Variants in NRXN1 observed in about 807,000 individuals in gnomAD.
The protein encoded by NRXN1 is neurexin 1, also known as neurexin-1.
NRXN1 carries 39 observed loss-of-function variants against 150.9 expected under a neutral mutation model. The observed-to-expected ratio is 0.26, with a 90% CI of 0.20 to 0.34. The LOEUF (loss-of-function observed/expected upper bound fraction) is 0.34, where lower values mean the gene tolerates loss of function less well. NRXN1 is among the 10% of genes least tolerant of loss of function. The pLI is 1.00. For missense variants in NRXN1, 1,815 were observed against 1,949.9 expected (o/e 0.93, Z 1.30); for synonymous variants, 924 against 757.0 (o/e 1.22, Z -3.62).
At chr2:50,696,140 G>T (rs1159046032) in intron 5 of NRXN1, 2 of 151,672 alleles carry the variant, frequency 1.3e-5, no homozygotes, top group African/African-American at 4.9e-5. Context: ...ACCACACCCA[G>T]TCGACTATGG....
chr2:50,671,883 C>T (rs533554396), intron 5 of NRXN1, among the ~76,000 whole-genome samples: 2 of 151,880 alleles, frequency 1.3e-5, no homozygotes, highest in South Asian at 2.1e-4. Flanking sequence ...TAGGGACAAA[C>T]CCAAAAAGAA....
chr2:50,331,704 T>A (rs1378793961), intron 17 of NRXN1, among the ~76,000 whole-genome samples: 1 of 152,184 alleles, frequency 6.6e-6, no homozygotes, highest in South Asian at 2.1e-4. Context: ...AACACCATTC[T>A]CCTTGTGTTC....
At chr2:50,275,775 A>C (rs1191890070) in intron 17 of NRXN1, among the ~76,000 whole-genome samples, 2 of 152,072 alleles carry the variant, frequency 1.3e-5, no homozygotes, top group East Asian at 3.9e-4. Context: ...AGCTCCTTCA[A>C]ATTTAAAAGA....
intron 4 of NRXN1, chr2:50,922,436 A>G: frequency 1.6e-6 from 1 of 618,568 alleles, no homozygotes; most frequent in Non-Finnish European, 2.9e-6. Context: ...AAATATTATA[A>G]TGCAAGAAAT....
chr2:50,680,596 T>C (rs1351146695), intron 5 of NRXN1, among the ~76,000 whole-genome samples: 5 of 152,056 alleles, frequency 3.3e-5, no homozygotes, highest in Admixed American at 2.0e-4. Flanking sequence ...AGATGACAAA[T>C]TTTTTAGATT....
intron 17 of NRXN1, among the ~76,000 whole-genome samples, chr2:50,439,309 A>G (rs751430116): frequency 6.6e-6 from 1 of 152,250 alleles, no homozygotes; most frequent in Non-Finnish European, 1.5e-5. Context: ...ACAACAGTGC[A>G]CTAAGTTTTA....
intron 18 of NRXN1, among the ~76,000 whole-genome samples, chr2:50,167,988 T>C (rs1343089258): frequency 1.3e-5 from 2 of 152,196 alleles, no homozygotes; most frequent in Non-Finnish European, 2.9e-5. Flanking sequence ...AATAAAAATG[T>C]TACAGAACAA....
At chr2:50,089,607 C>T (rs954210410) in intron 19 of NRXN1, among the ~76,000 whole-genome samples, 4 of 151,808 alleles carry the variant, frequency 2.6e-5, no homozygotes, top group African/African-American at 4.8e-5. Context: ...AGCAACATAG[C>T]GAGACCCCCA....
intron 17 of NRXN1, among the ~76,000 whole-genome samples, chr2:50,429,618 A>G (rs2084786110): frequency 6.6e-6 from 1 of 152,220 alleles, no homozygotes; most frequent in Non-Finnish European, 1.5e-5. Context: ...AAATAGATCA[A>G]GAGTAACTCA....
intron 5 of NRXN1, among the ~76,000 whole-genome samples, chr2:50,889,249 C>A (rs1680705063): frequency 6.6e-6 from 1 of 151,742 alleles, no homozygotes; most frequent in South Asian, 2.1e-4. Flanking sequence ...CTCTTTCTTT[C>A]TGACTTTCCA....
intron 22 of NRXN1, among the ~76,000 whole-genome samples, chr2:49,928,235 A>T (rs895825741): frequency 6.6e-6 from 1 of 151,512 alleles, no homozygotes; most frequent in Non-Finnish European, 1.5e-5. Context: ...GAATTGTTAG[A>T]TGTCCTGTCT....
chr2:50,695,883 C>T (rs1243902002), intron 5 of NRXN1, among the ~76,000 whole-genome samples: 3 of 139,210 alleles, frequency 2.2e-5, no homozygotes, highest in Non-Finnish European at 4.5e-5. Flanking sequence ...CGCTCTTTCA[C>T]TCAGGCTGGA....
intron 19 of NRXN1, among the ~76,000 whole-genome samples, chr2:50,087,783 C>T (rs748764595): frequency 5.9e-5 from 9 of 152,086 alleles, no homozygotes; most frequent in Non-Finnish European, 8.8e-5. Flanking sequence ...ATAAAATCTA[C>T]CTCTACTAAT....
At chr2:50,029,132 A>T (rs895519577) in intron 21 of NRXN1, among the ~76,000 whole-genome samples, 3 of 152,208 alleles carry the variant, frequency 2.0e-5, no homozygotes, top group African/African-American at 7.2e-5. Flanking sequence ...AAGAGGCTGA[A>T]CAAACCAGAG....
intron 17 of NRXN1, among the ~76,000 whole-genome samples, chr2:50,364,603 C>T (rs1334235595): frequency 6.6e-6 from 1 of 152,116 alleles, no homozygotes; most frequent in East Asian, 1.9e-4. Flanking sequence ...CAATTGAGAC[C>T]TGATGATCTT....
intron 15 of NRXN1, among the ~76,000 whole-genome samples, chr2:50,493,972 T>A (rs539513063): frequency 6.6e-6 from 1 of 152,330 alleles, no homozygotes; most frequent in South Asian, 2.1e-4. Context: ...TCTTCAGAGT[T>A]ATCCATCACT....
At chr2:50,113,640 A>G (rs1702659216) in intron 18 of NRXN1, among the ~76,000 whole-genome samples, 2 of 152,204 alleles carry the variant, frequency 1.3e-5, no homozygotes, top group African/African-American at 2.4e-5. Flanking sequence ...TGTAAAAAGC[A>G]TATGGAAAAT....
intron 5 of NRXN1, among the ~76,000 whole-genome samples, chr2:50,774,913 A>G (rs1703426753): frequency 6.6e-6 from 1 of 152,166 alleles, no homozygotes; most frequent in Non-Finnish European, 1.5e-5. Flanking sequence ...GATCTAAAAT[A>G]AACCAATTAA....
intron 18 of NRXN1, among the ~76,000 whole-genome samples, chr2:50,149,110 A>C (rs1426496760): frequency 6.6e-6 from 1 of 151,898 alleles, no homozygotes; most frequent in South Asian, 2.1e-4. Context: ...GTGGAAAGTC[A>C]TTGCTATGAA....
Sources: gnomAD v4.1 joint callset for allele counts (sites outside exome capture counted in the v4.1 genomes callset) on GRCh38, gnomAD v4.1.1 for gene constraint, MANE v1.5 for transcripts, NCBI Gene and HGNC (gene_info 2026-07-23, HGNC 2026-07-21) for gene names.